The following APOBEC3B variants were observed in gnomAD, a reference collection of about 807,000 sequenced individuals.
APOBEC3B encodes the protein apolipoprotein B mRNA editing enzyme catalytic subunit 3B.
A neutral mutation model predicts 53.4 loss-of-function variants in APOBEC3B; 29 were observed. That is an observed-to-expected ratio of 0.54 (90% CI 0.40 to 0.74). APOBEC3B has a LOEUF of 0.74. APOBEC3B is among the 30% of genes least tolerant of loss of function. The pLI, the probability that APOBEC3B is intolerant of heterozygous loss-of-function variation, is 0.00. For missense variants in APOBEC3B, 347 were observed against 496.2 expected (o/e 0.70, Z 2.86); for synonymous variants, 132 against 184.8 (o/e 0.71, Z 2.32).
At chr22:38,986,164 T>C in intron 3 of APOBEC3B, 73 bp downstream of exon 3, 1 of 1,573,154 alleles carries the variant, frequency 6.4e-7, no homozygotes, top group Non-Finnish European at 8.6e-7. Flanking sequence ...TGCAATGCCA[T>C]GGCTGGGGGT....
At chr22:38,988,677 C>A (rs868457283) in intron 4 of APOBEC3B, among the ~76,000 whole-genome samples, 1 of 6,558 alleles carries the variant, frequency 1.5e-4, no homozygotes, top group Admixed American at 1.6e-3. Context: ...CTCTCTTTCT[C>A]TCTTTCTCTT....
At chr22:38,991,900 A>G in intron 6 of APOBEC3B, 134 bp from the exon 7 acceptor site, 1 of 1,364,384 alleles carries the variant, frequency 7.3e-7, no homozygotes, top group Non-Finnish European at 9.7e-7. Flanking sequence ...GAAGGAGCTA[A>G]GTCCCTAGGG....
Position 38,989,475 on chromosome 22 carries a change from C to A in APOBEC3B, c.588C>A (p.Asp196Glu). Residue 196 changes from aspartate to glutamate, a missense_variant, in exon 5 of 8, where the codon GAC becomes GAA. By Grantham distance (45) the Asp-to-Glu change is conservative. Transcript: ENST00000333467. ...TCCACAGATACCTGATGGATCCAGACACATTCACTTTCAACTTTAATAATG... is the reference window on the plus strand; with the variant it reads ...TCCACAGATACCTGATGGATCCAGAAACATTCACTTTCAACTTTAATAATG... ...KEILRYLMDP[D>E]TFTFNFNNDP... 1 of 1,579,632 alleles carries A rather than the reference C, an allele frequency of 6.3e-7. No individual in the cohort carries two copies. The highest frequency in any genetic ancestry group is 8.6e-7 in the Non-Finnish European group (1 of 1,162,208).
rs921594284 is a variant in APOBEC3B at position 38,988,290 on chromosome 22, T to C, written c.570-1167T>C. ...CAATTCCAGGTCTCCTTCCACCTCC[T>C]GGGGCAGATGCACAGGGAGCCTGAA... is the stretch of plus-strand genomic sequence containing the variant. On this transcript the variant is annotated intron_variant, in intron 4 of 7. Transcript: ENST00000333467. Among the ~76,000 whole-genome samples, 56 of 148,566 alleles carry C rather than the reference T, an allele frequency of 3.8e-4. 3 individuals are homozygous for C. Among genetic ancestry groups the C allele is most frequent in the Non-Finnish European group, 6.7e-4 (45 of 67,270 alleles).
Position 38,984,212 on chromosome 22 carries a change from CAG to C in APOBEC3B, c.156_157del (p.Val54LeufsTer56), listed in dbSNP as rs1923645329. On this transcript the variant is annotated frameshift_variant, in exon 2 of 8. Coordinates refer to ENST00000333467, the MANE Select transcript of APOBEC3B (RefSeq NM_004900.5). LOFTEE classifies it high-confidence loss of function. ...GGCCGCTCAAATCTCCTTTGGGACA[CAG>C]GGGTCTTTCGAGGCCAGGTACCACC... The C allele has an allele frequency of 6.3e-7, 1 of 1,592,002 alleles. No homozygotes were observed.
In APOBEC3B at chr22:38,986,215, C is replaced by T. The variant is rs577347402; in HGVS notation, c.455-83C>T. On this transcript the variant is annotated intron_variant, in intron 3 of 7. Transcript: ENST00000333467. ...GCAGGGGTGGGACTGGCACTGACTG[C>T]AACTGACAGCCAGGAGACCAGGCCT... 4.8e-5 allele frequency: 76 copies of T among 1,585,004 alleles called. 6 individuals carry two copies. The African/African-American group carries it at 8.9e-4, about 19-fold the overall frequency.
chr22:38,984,001 G>A, intron 1 of APOBEC3B, 74 bp from the exon 2 acceptor site: 2 of 1,513,312 alleles, frequency 1.3e-6, no homozygotes, highest in Non-Finnish European at 8.9e-7. Flanking sequence ...TGGGAGCTGT[G>A]TTCAGTGGAC....
In APOBEC3B at chr22:38,991,408, T is replaced by C. The variant is rs2146294491; in HGVS notation, c.800T>C (p.Leu267Ser). Residue 267 changes from leucine to serine, a missense_variant, in exon 6 of 8, where the codon TTG (leucine) becomes TCG (serine). Transcript: ENST00000333467. ...TTGGACCTGGTTCCTTCTTTGCAGTTGGACCCGGCCCAGATCTACAGGGTC... is the reference window on the plus strand; with the variant it reads ...TTGGACCTGGTTCCTTCTTTGCAGTCGGACCCGGCCCAGATCTACAGGGTC... ...RFLDLVPSLQ[L>S]DPAQIYRVTW... 1 of 1,573,732 alleles carries C rather than the reference T, an allele frequency of 6.4e-7. No individual in the cohort carries two copies. Among genetic ancestry groups the C allele is most frequent in the Non-Finnish European group, 8.6e-7 (1 of 1,156,080 alleles).
At position 38,992,576 on chromosome 22, in the gene APOBEC3B, G is replaced by A. The variant is rs531298306; in HGVS notation, c.*131G>A. 3.3e-5 allele frequency: 53 copies of A among 1,600,334 alleles called. 1 individual carries two copies. Among genetic ancestry groups the A allele is most frequent in the South Asian group, 2.1e-4 (19 of 90,072 alleles). On this transcript the variant is annotated 3_prime_UTR_variant, in exon 8 of 8. Coordinates refer to ENST00000333467, the MANE Select transcript of APOBEC3B (RefSeq NM_004900.5). Reference sequence around the variant, plus strand: ...TGCTCACAGACACCAGCAAAGCAATGTGCTCCTGATCAAGTAGATTTTTTA... The same window carrying A: ...TGCTCACAGACACCAGCAAAGCAATATGCTCCTGATCAAGTAGATTTTTTA...
rs766733174 is a variant in APOBEC3B at position 38,984,724 on chromosome 22, G to A, written c.174+493G>A. Among the ~76,000 whole-genome samples, 15 of 147,994 alleles carry A rather than the reference G, an allele frequency of 1.0e-4. 1 individual carries two copies. The highest frequency in any genetic ancestry group is 1.6e-4 in the Non-Finnish European group (11 of 67,192). ...CTTTTCAGGCAGTGTTATAACTGTC[G>A]TTGGAGTGAGCTGGCTAGGCAGAGG... On this transcript the variant is annotated intron_variant, in intron 2 of 7. Transcript: ENST00000333467.
intron 5 of APOBEC3B, among the ~76,000 whole-genome samples, chr22:38,989,904 C>G (rs1569039659): frequency 6.7e-6 from 1 of 148,746 alleles, no homozygotes; most frequent in African/African-American, 2.4e-5. Context: ...TTTGAGGACT[C>G]AGGGCCTACC....
rs773141905 is a variant in APOBEC3B, at chr22:38,984,116, A to G, written c.59A>G (p.Asn20Ser). 1.2e-5 allele frequency: 19 copies of G among 1,588,802 alleles called. 5 individuals are homozygous for G. The South Asian group carries it at 2.0e-4, about 17-fold the overall frequency. ...ATGTATCGAGACACATTCTACGACA[A>G]CTTTGAAAACGAACCCATCCTCTAT... Reference protein sequence around the residue: ...ERMYRDTFYDNFENEPILYGR... With the variant: ...ERMYRDTFYDSFENEPILYGR... The change falls in exon 2 of 8, where the codon AAC (asparagine) becomes AGC (serine). Residue 20 changes from asparagine (N) to serine (S), a missense_variant. Coordinates refer to ENST00000333467, the MANE Select transcript of APOBEC3B (RefSeq NM_004900.5).
intron 4 of APOBEC3B, among the ~76,000 whole-genome samples, chr22:38,988,717 C>CTTTCTTTCTTTA: frequency 7.5e-6 from 1 of 133,320 alleles, no homozygotes; most frequent in Non-Finnish European, 1.6e-5. Flanking sequence ...TTCTTTCTTT[C>CTTTCTTTCTTTA]TTTCTTTCTT....
chr22:38,982,595 C>T, intron 1 of APOBEC3B, 125 bp downstream of exon 1: 1 of 1,175,648 alleles, frequency 8.5e-7, no homozygotes, highest in Non-Finnish European at 1.2e-6. Flanking sequence ...CTCTGGCTCC[C>T]CTGCCACACG....
chr22:38,986,465 C>G (rs1050904038), intron 4 of APOBEC3B, 53 bp downstream of exon 4: 2 of 1,564,412 alleles, frequency 1.3e-6, no homozygotes, highest in Non-Finnish European at 1.7e-6. Context: ...TGCTCATCCT[C>G]CTGAGGCCTC....
rs1318107492 is a variant in APOBEC3B at position 38,991,251 on chromosome 22, C to T, written c.724-81C>T. ...CCCCTCTAATTTCGTGCTGGAGGCCCCCGCCTCCCCAGCCCCACCTGGTCC... is the reference window on the plus strand; with the variant it reads ...CCCCTCTAATTTCGTGCTGGAGGCCTCCGCCTCCCCAGCCCCACCTGGTCC... On this transcript the variant is annotated intron_variant, in intron 5 of 7. Coordinates refer to ENST00000333467, the MANE Select transcript of APOBEC3B (RefSeq NM_004900.5). The T allele has an allele frequency of 3.7e-5, 52 of 1,411,804 alleles. 3 individuals are homozygous for T. Among genetic ancestry groups the T allele is most frequent in the Non-Finnish European group, 4.6e-5 (47 of 1,022,300 alleles). The allele number at this position is 1,411,804 out of a possible 1,614,324, so 87.5% of individuals were successfully genotyped here. A position where few individuals can be genotyped will look rare whatever the true frequency, so the allele number is the denominator to read the frequency against.
At chr22:38,986,112 G>A in intron 3 of APOBEC3B, 21 bp downstream of exon 3, 2 of 1,588,924 alleles carry the variant, frequency 1.3e-6, no homozygotes, top group Non-Finnish European at 1.7e-6. Context: ...GAGGGGTCAG[G>A]GGAGCGTGAG....
intron 1 of APOBEC3B, 73 bp downstream of exon 1, chr22:38,982,543 C>A: frequency 6.4e-7 from 1 of 1,551,792 alleles, no homozygotes; most frequent in Non-Finnish European, 8.8e-7. Context: ...GGCCTCAACC[C>A]TGGCCTCCCC....
At position 38,992,644 on chromosome 22, in the gene APOBEC3B, T is replaced by C; in HGVS notation, c.*199T>C. 4 of 1,424,412 alleles carry C rather than the reference T, an allele frequency of 2.8e-6. No homozygotes were observed. Among genetic ancestry groups the C allele is most frequent in the Non-Finnish European group, 3.8e-6 (4 of 1,061,978 alleles). The allele number at this position is 1,424,412 out of a possible 1,614,324, so 88.2% of individuals were successfully genotyped here. A position where few individuals can be genotyped will look rare whatever the true frequency, so the allele number is the denominator to read the frequency against. On this transcript the variant is annotated 3_prime_UTR_variant, in exon 8 of 8. Transcript: ENST00000333467. The stretch of plus-strand genomic sequence containing the variant: ...ATTTTAATTGAAAATTTCTCTTATG[T>C]TCCAAGTGTACAAGAGTAAGATTAT...
Sources: allele counts gnomAD v4.1 joint callset (sites outside exome capture counted in the v4.1 genomes callset), GRCh38; gene constraint gnomAD v4.1.1; transcripts MANE v1.5; gene names NCBI Gene and HGNC (gene_info 2026-07-23, HGNC 2026-07-21).